Variants in MYSM1 observed in about 807,000 individuals in gnomAD.
The protein encoded by MYSM1 is Myb like, SWIRM and MPN domains 1.
In MYSM1, 51 loss-of-function variants were observed where a neutral mutation model predicts 116.0. That is an observed-to-expected ratio of 0.44 (90% CI 0.35 to 0.56). The LOEUF is 0.56. MYSM1 is among the 20% of genes least tolerant of loss of function. MYSM1 has a pLI of 0.00. For missense variants in MYSM1, 900 were observed against 974.9 expected (o/e 0.92, Z 1.02); for synonymous variants, 313 against 315.2 (o/e 0.99, Z 0.07).
rs200918602 is a variant in MYSM1, at chr1:58,661,198, C to T, written c.2300G>A (p.Arg767Gln). ...SSVPMDKIFR[R>Q]DSDLTCLQKL... ...CTGCAAACAAGTCAGGTCAGAATCC[C>T]GGCGAAAGATTTTATCCATGGGGAC... Residue 767 changes from arginine to glutamine, a missense_variant, in exon 19 of 20, where the codon CGG becomes CAG. By Grantham distance (43) the Arg-to-Gln change is conservative. This residue lies in a region of MYSM1 where 186 missense variants were observed against 196.2 expected (regional missense o/e 0.95). Transcript: ENST00000472487. The T allele has an allele frequency of 5.5e-5, 88 of 1,613,200 alleles. No individual in the cohort carries two copies. The highest frequency in any genetic ancestry group is 1.6e-4 in the South Asian group (15 of 91,042).
rs1019303254 is a variant in MYSM1 at position 58,655,175 on chromosome 1, C to T, written c.*4822G>A. The T allele has an allele frequency of 3.9e-5, 6 of 152,068 alleles. No individual in the cohort carries two copies. Among genetic ancestry groups the T allele is most frequent in the South Asian group, 2.1e-4 (1 of 4,826 alleles). 9.4% of individuals were successfully genotyped at this position (152,068 alleles called of 1,614,324 possible). On this transcript the variant is annotated 3_prime_UTR_variant, in exon 20 of 20. Coordinates refer to ENST00000472487, the MANE Select transcript of MYSM1 (RefSeq NM_001085487.3). Reference sequence around the variant, plus strand: ...ATATATGACTAATCTATTTAACTCACGCTAGAATCTAAATACTATTTTATA... The same window carrying T: ...ATATATGACTAATCTATTTAACTCATGCTAGAATCTAAATACTATTTTATA...
chr1:58,667,677 A>G (rs193078658), intron 15 of MYSM1, among the ~76,000 whole-genome samples, 170 bp downstream of exon 15: 12 of 152,302 alleles, frequency 7.9e-5, no homozygotes, highest in Admixed American at 2.0e-4. Flanking sequence ...CGCTAGGCAT[A>G]TAGAATGTTA....
rs987047637 is a variant in MYSM1 at position 58,656,008 on chromosome 1, T to C, written c.*3989A>G. On this transcript the variant is annotated 3_prime_UTR_variant, in exon 20 of 20. Coordinates refer to ENST00000472487, the MANE Select transcript of MYSM1 (RefSeq NM_001085487.3). ...TCAACTCAGGTGCTCATGTGTTACA[T>C]GGCTGTTTTGTGAGCACAAAACAGA... 6.6e-6 allele frequency: 1 copy of C among 152,208 alleles called. No individual in the cohort carries two copies. The highest frequency in any genetic ancestry group is 1.5e-5 in the Non-Finnish European group (1 of 68,032). 9.4% of individuals were successfully genotyped at this position (152,208 alleles called of 1,614,324 possible).
rs189172504 is a variant in MYSM1 at position 58,681,835 on chromosome 1, A to G, written c.1209T>C (p.Ala403=). 8 of 1,607,726 alleles carry G rather than the reference A, an allele frequency of 5.0e-6. No homozygotes were observed. The East Asian group carries it at 1.8e-4, about 36-fold the overall frequency. Residue 403 remains alanine (A), a synonymous_variant, in exon 8 of 20, where the codon GCT becomes GCC. Coordinates refer to ENST00000472487, the MANE Select transcript of MYSM1 (RefSeq NM_001085487.3). ...AIPEFFEGRQ[A]KTPERYLKIR... ...TTTTCAAATAGCGTTCTGGTGTTTT[A>G]GCTTGGCGCCCCTCAAAAAACTCAG...
At chr1:58,682,920 C>G (rs1462481951) in intron 7 of MYSM1, among the ~76,000 whole-genome samples, 1 of 152,152 alleles carries the variant, frequency 6.6e-6, no homozygotes, top group Non-Finnish European at 1.5e-5. Context: ...TGGTCTCGAT[C>G]TCCTGACCTT....
chr1:58,671,721 A>C, intron 12 of MYSM1, 149 bp downstream of exon 12: 1 of 600,742 alleles, frequency 1.7e-6, no homozygotes, highest in Non-Finnish European at 2.8e-6. Context: ...CAAATTCATA[A>C]TCAGTGAAAC....
Position 58,667,932 on chromosome 1 carries a change from T to C in MYSM1, c.1768-11A>G, listed in dbSNP as rs935861904. 2.5e-6 allele frequency: 4 copies of C among 1,604,264 alleles called. No homozygotes were observed. The highest frequency in any genetic ancestry group is 2.6e-6 in the Non-Finnish European group (3 of 1,171,332). On this transcript the variant is annotated splice_polypyrimidine_tract_variant and intron_variant, in intron 14 of 19. Coordinates refer to ENST00000472487, the MANE Select transcript of MYSM1 (RefSeq NM_001085487.3). ...AGAAACATGAGCATGCTAAAAGAAA[T>C]ACAAGACAGACTTAGCCCAAACGCA...
chr1:58,693,018 A>G (rs1644924180), intron 2 of MYSM1, 87 bp from the exon 3 acceptor site: 2 of 1,012,394 alleles, frequency 2.0e-6, no homozygotes, highest in African/African-American at 3.3e-5. Flanking sequence ...ACATGTTATA[A>G]TGATTATAAA....
Position 58,668,987 on chromosome 1 carries a change from C to T in MYSM1, c.1713G>A (p.Lys571=), listed in dbSNP as rs1417102333. The change falls in exon 13 of 20, where the codon AAG becomes AAA. Residue 571 remains lysine (K), a synonymous_variant. Transcript: ENST00000472487. ...TTCATTAATGCATAAATAGTACCTG[C>T]TTTTCTTCACTAAAAAAATTACAAG... ...LIPCNFFSEE[K]QEPFQVKVAS... is the part of the protein sequence containing the mutation. 6.3e-7 allele frequency: 1 copy of T among 1,599,624 alleles called. No homozygotes were observed. The highest frequency in any genetic ancestry group is 8.5e-7 in the Non-Finnish European group (1 of 1,174,472).
intron 9 of MYSM1, among the ~76,000 whole-genome samples, chr1:58,676,244 C>T (rs1474134239): frequency 4.0e-5 from 6 of 151,768 alleles, no homozygotes; most frequent in Non-Finnish European, 7.4e-5. Context: ...TGGTGAAACC[C>T]GTCTCTACTA....
chr1:58,662,494 T>C (rs893149108), intron 17 of MYSM1, among the ~76,000 whole-genome samples: 1 of 144,568 alleles, frequency 6.9e-6, no homozygotes, highest in African/African-American at 2.6e-5. Context: ...CACTACGTCA[T>C]AGAAAGGTTA....
intron 10 of MYSM1, among the ~76,000 whole-genome samples, chr1:58,674,693 AGGCG>A (rs1557513103): frequency 2.6e-5 from 4 of 152,120 alleles, no homozygotes; most frequent in Admixed American, 6.5e-5. Flanking sequence ...CGGGAGGCCA[AGGCG>A]GGCGGATCAT....
chr1:58,689,666 A>T (rs889580737), intron 5 of MYSM1: 2 of 152,626 alleles, frequency 1.3e-5, no homozygotes, highest in African/African-American at 4.8e-5. Flanking sequence ...TGTTAACTTC[A>T]TTTCATTGTT....
At chr1:58,698,102 A>ATATATATATATT in intron 1 of MYSM1, among the ~76,000 whole-genome samples, 10 of 7,756 alleles carry the variant, frequency 1.3e-3, no homozygotes, top group Admixed American at 8.4e-3. Flanking sequence ...ATATATATAT[A>ATATATATATATT]TTTTTTTTTT....
In MYSM1 at chr1:58,674,155, G is replaced by A. The variant is rs139990313; in HGVS notation, c.1495-505C>T. Among the ~76,000 whole-genome samples the A allele has an allele frequency of 7.9e-5, 12 of 152,112 alleles. 1 individual carries two copies. The East Asian group carries it at 1.4e-3, about 17-fold the overall frequency. ...AGTGATTCTCCTGCCTCAGACTCCCGAGTAGGAACAAAAATATTTTTAAGA... is the reference window on the plus strand; with the variant it reads ...AGTGATTCTCCTGCCTCAGACTCCCAAGTAGGAACAAAAATATTTTTAAGA... On this transcript the variant is annotated intron_variant, in intron 10 of 19. Transcript: ENST00000472487.
Position 58,692,918 on chromosome 1 carries a change from T to C in MYSM1, c.161A>G (p.Asp54Gly), listed in dbSNP as rs1324130267. The change falls in exon 3 of 20, where the codon GAT (aspartate) becomes GGT (glycine). Residue 54 changes from aspartate (D) to glycine (G), a missense_variant. This residue lies in a region of MYSM1 where 622 missense variants were observed against 623.7 expected (regional missense o/e 1.00). Transcript: ENST00000472487. Reference protein sequence around the residue: ...TENGLIPWTLDNTISEENRAV... With the variant: ...TENGLIPWTLGNTISEENRAV... ...TCTGTTCTCTTCACTGATGGTGTTA[T>C]CCAAGGTCCAAGGCTATTAAAAAAG... The C allele has an allele frequency of 1.9e-6, 3 of 1,607,256 alleles. No individual in the cohort carries two copies. Among genetic ancestry groups the C allele is most frequent in the South Asian group, 2.2e-5 (2 of 89,698 alleles).
intron 8 of MYSM1, among the ~76,000 whole-genome samples, chr1:58,680,169 A>T (rs1644717674): frequency 6.6e-6 from 1 of 152,182 alleles, no homozygotes; most frequent in African/African-American, 2.4e-5. Context: ...TACCAATAGA[A>T]ATCTAATTTA....
At chr1:58,689,509 T>C (rs948874755) in intron 5 of MYSM1, 2 of 156,436 alleles carry the variant, frequency 1.3e-5, no homozygotes. Flanking sequence ...ACTATCTCTT[T>C]AGTTCTTTCA....
At chr1:58,680,884 C>T (rs568477278) in intron 8 of MYSM1, among the ~76,000 whole-genome samples, 2 of 151,458 alleles carry the variant, frequency 1.3e-5, no homozygotes, top group South Asian at 2.1e-4. Context: ...TGCAGTGGCA[C>T]GATCTCGGCT....
Sources: gnomAD v4.1 joint callset for allele counts (sites outside exome capture counted in the v4.1 genomes callset) on GRCh38, gnomAD v4.1.1 for gene constraint, gnomAD v4.1.1 regional missense constraint, MANE v1.5 for transcripts, NCBI Gene and HGNC (gene_info 2026-07-23, HGNC 2026-07-21) for gene names.